The following YTHDC2 variants were observed in gnomAD, a reference collection of about 807,000 sequenced individuals.
The protein encoded by YTHDC2 is 3'-5' RNA helicase YTHDC2.
YTHDC2 carries 45 observed loss-of-function variants against 174.9 expected under a neutral mutation model. The observed-to-expected ratio is 0.26, with a 90% CI of 0.20 to 0.33. The LOEUF is 0.33. Ranked by LOEUF, YTHDC2 falls within the 10% of genes least tolerant of loss-of-function variation. The pLI, the probability that YTHDC2 is intolerant of heterozygous loss-of-function variation, is 1.00. For missense variants in YTHDC2, 1,650 were observed against 1,723.7 expected, an observed-to-expected ratio of 0.96 and a Z score of 0.76; for synonymous variants, 657 against 574.5, an observed-to-expected ratio of 1.14 and a Z score of -2.05.
intron 7 of YTHDC2, among the ~76,000 whole-genome samples, chr5:113,538,268 T>C (rs1354487312): frequency 6.6e-6 from 1 of 152,170 alleles, no homozygotes; most frequent in Non-Finnish European, 1.5e-5. Context: ...TTTAAATCCA[T>C]TCTCCATATT....
chr5:113,517,694 C>CT (rs1274951566), intron 2 of YTHDC2: 6 of 394,902 alleles, frequency 1.5e-5, no homozygotes, highest in African/African-American at 4.2e-5. Context: ...CTCCTTCTCT[C>CT]TTTTTTTCAT....
At chr5:113,586,923 T>C (rs1457314406) in intron 26 of YTHDC2, among the ~76,000 whole-genome samples, 4 of 120,140 alleles carry the variant, frequency 3.3e-5, no homozygotes, top group Admixed American at 1.0e-4. Context: ...ATATATAATA[T>C]ATAAATATAT....
At chr5:113,514,869 T>C (rs1773293095) in intron 1 of YTHDC2, among the ~76,000 whole-genome samples, 1 of 152,214 alleles carries the variant, frequency 6.6e-6, no homozygotes, top group Non-Finnish European at 1.5e-5. Context: ...ATTCATAATA[T>C]TTGAACATAT....
intron 23 of YTHDC2, among the ~76,000 whole-genome samples, chr5:113,575,382 A>G (rs1170994632): frequency 6.6e-6 from 1 of 152,226 alleles, no homozygotes; most frequent in Non-Finnish European, 1.5e-5. Context: ...GACAGACAGT[A>G]AAAAATAAAT....
intron 2 of YTHDC2, among the ~76,000 whole-genome samples, chr5:113,522,437 T>A (rs1024059115): frequency 6.6e-6 from 1 of 152,184 alleles, no homozygotes; most frequent in African/African-American, 2.4e-5. Context: ...CGGTTACTTT[T>A]ATTTTTCGAA....
At chr5:113,517,906 T>A (rs1012313715) in intron 2 of YTHDC2, among the ~76,000 whole-genome samples, 1 of 152,184 alleles carries the variant, frequency 6.6e-6, no homozygotes. Context: ...TTTATTTTTT[T>A]GAGATGGAGT....
intron 3 of YTHDC2, among the ~76,000 whole-genome samples, chr5:113,525,706 G>A (rs1774174141): frequency 1.3e-5 from 2 of 152,022 alleles, no homozygotes; most frequent in African/African-American, 4.8e-5. Context: ...ACATTAAGTT[G>A]CTCAAAAGTA....
At chr5:113,567,015 G>A in intron 21 of YTHDC2, 77 bp from the exon 22 acceptor site, 1 of 1,452,362 alleles carries the variant, frequency 6.9e-7, no homozygotes, top group Non-Finnish European at 9.3e-7. Flanking sequence ...TACATGAGTT[G>A]TACAAGTTTT....
chr5:113,563,629 G>A (rs534543122), intron 19 of YTHDC2, 137 bp downstream of exon 19: 7 of 1,086,046 alleles, frequency 6.4e-6, no homozygotes, highest in Non-Finnish European at 5.1e-6. Context: ...AACTAATTTT[G>A]TACTTTTAAA....
chr5:113,528,519 G>A (rs1774438173), intron 4 of YTHDC2, among the ~76,000 whole-genome samples: 1 of 151,698 alleles, frequency 6.6e-6, no homozygotes, highest in Non-Finnish European at 1.5e-5. Context: ...ATAGAAGGTG[G>A]AAGATTTTTT....
intron 10 of YTHDC2, among the ~76,000 whole-genome samples, chr5:113,547,483 T>A (rs1019291476): frequency 6.6e-6 from 1 of 152,184 alleles, no homozygotes; most frequent in African/African-American, 2.4e-5. Context: ...TGAATCCTAA[T>A]GTAAACTATG....
intron 3 of YTHDC2, among the ~76,000 whole-genome samples, chr5:113,526,289 T>A (rs868747919): frequency 1.3e-5 from 2 of 152,086 alleles, no homozygotes; most frequent in African/African-American, 4.8e-5. Flanking sequence ...ATTGAATGAT[T>A]TATTTTTATC....
At chr5:113,528,469 T>C (rs1774435792) in intron 4 of YTHDC2, among the ~76,000 whole-genome samples, 8 of 152,220 alleles carry the variant, frequency 5.3e-5, no homozygotes, top group Admixed American at 5.2e-4. Flanking sequence ...TTCTTATTTG[T>C]GTTCGTTGTG....
chr5:113,551,235 A>C (rs573404362), intron 12 of YTHDC2, among the ~76,000 whole-genome samples: 2 of 152,036 alleles, frequency 1.3e-5, no homozygotes, highest in Non-Finnish European at 2.9e-5. Context: ...TATTGTTAAC[A>C]CTTTGAATGT....
intron 18 of YTHDC2, among the ~76,000 whole-genome samples, chr5:113,561,845 C>T (rs1776997355): frequency 6.6e-6 from 1 of 151,938 alleles, no homozygotes; most frequent in Admixed American, 6.6e-5. Flanking sequence ...GATTAGCAAA[C>T]AAATTATTTA....
chr5:113,576,373 G>A (rs561871496), intron 23 of YTHDC2, among the ~76,000 whole-genome samples: 1 of 152,218 alleles, frequency 6.6e-6, no homozygotes, highest in Non-Finnish European at 1.5e-5. Context: ...GAAATAGTAT[G>A]ATTGATAATT....
rs1774119377 is a variant in YTHDC2 at position 113,525,024 on chromosome 5, T to A, written c.322T>A (p.Ser108Thr). ...RYLTVKKKDG[S>T]ETAHAMMTCN... Reference sequence around the variant, plus strand: ...CCTAACTGTGAAGAAGAAAGATGGATCAGAAACAGCTCATGCAATGATGAC... The same window carrying A: ...CCTAACTGTGAAGAAGAAAGATGGAACAGAAACAGCTCATGCAATGATGAC... The change falls in exon 3 of 30, where the codon TCA becomes ACA. Residue 108 changes from serine (S) to threonine (T), a missense_variant. Physicochemically the swap from Ser to Thr is moderately conservative, Grantham distance 58. Transcript: ENST00000161863. The A allele has an allele frequency of 6.2e-7, 1 of 1,609,198 alleles. No homozygotes were observed. The highest frequency in any genetic ancestry group is 8.5e-7 in the Non-Finnish European group (1 of 1,178,314).
chr5:113,589,408 A>AAAAAAATATATATATATATATAT (rs368975720), intron 26 of YTHDC2, among the ~76,000 whole-genome samples: 6 of 123,262 alleles, frequency 4.9e-5, no homozygotes, highest in African/African-American at 2.1e-4. Flanking sequence ...AAAAAAAAAA[A>AAAAAAATATATATATATATATAT]ATATATATAT....
rs141525405 is a variant in YTHDC2, at chr5:113,556,096, A to G, written c.2178A>G (p.Val726=). The G allele has an allele frequency of 1.9e-6, 3 of 1,610,022 alleles. No individual in the cohort carries two copies. Among genetic ancestry groups the G allele is most frequent in the African/African-American group, 1.3e-5 (1 of 74,980 alleles). ...ATTTTGTTACAATGTTAAAAATGGT[A>G]TGGATTTCCAAAGCTAGTGCCATAC... The part of the protein sequence containing the change: ...ALNFVTMLKM[V]WISKASAIQR... The change falls in exon 17 of 30, where the codon GTA becomes GTG. Residue 726 remains valine (V), a synonymous_variant. Coordinates refer to ENST00000161863, the MANE Select transcript of YTHDC2 (RefSeq NM_022828.5).
Sources: gnomAD v4.1 joint callset for allele counts (sites outside exome capture counted in the v4.1 genomes callset) on GRCh38, gnomAD v4.1.1 for gene constraint, MANE v1.5 for transcripts, NCBI Gene and HGNC (gene_info 2026-07-23, HGNC 2026-07-21) for gene names.